ZNF536: variants seen among roughly 807,000 people sequenced by gnomAD.
ZNF536 encodes zinc finger protein 536.
In ZNF536, 13 loss-of-function variants were observed where a neutral mutation model predicts 84.5. That is an observed-to-expected ratio of 0.15 (90% CI 0.10 to 0.24). The LOEUF is 0.24. ZNF536 is among the 10% of genes least tolerant of loss of function. The pLI, the probability that ZNF536 is intolerant of heterozygous loss-of-function variation, is 1.00. For synonymous variants in ZNF536, 811 were observed against 742.5 expected (o/e 1.09, Z -1.50); for missense variants, 1,536 against 1,747.5 (o/e 0.88, Z 2.16).
At chr19:30,630,198 C>T (rs2048839221) in intron 1 of ZNF536, among the ~76,000 whole-genome samples, 1 of 152,208 alleles carries the variant, frequency 6.6e-6, no homozygotes, top group Non-Finnish European at 1.5e-5. Context: ...GGGCATTCTT[C>T]ATCCATTCAT....
chr19:30,645,878 A>G (rs999896755), intron 1 of ZNF536, among the ~76,000 whole-genome samples: 5 of 152,316 alleles, frequency 3.3e-5, no homozygotes, highest in African/African-American at 1.2e-4. Context: ...CCAAGAATGA[A>G]GAAACTATTC....
intron 1 of ZNF536, among the ~76,000 whole-genome samples, chr19:30,420,365 C>T (rs560785466): frequency 6.6e-6 from 1 of 152,132 alleles, no homozygotes; most frequent in Non-Finnish European, 1.5e-5. Context: ...TGTACAAATA[C>T]CTTTAACCCA....
chr19:30,697,915 T>C (rs553784395), intron 1 of ZNF536, among the ~76,000 whole-genome samples: 1 of 152,268 alleles, frequency 6.6e-6, no homozygotes, highest in East Asian at 1.9e-4. Flanking sequence ...TTTCTTCCTG[T>C]TCACAGAAAA....
At chr19:30,357,499 C>G (rs2048134631) in intron 3 of ZNF536, among the ~76,000 whole-genome samples, 1 of 151,940 alleles carries the variant, frequency 6.6e-6, no homozygotes, top group Admixed American at 6.6e-5. Context: ...CTTGAGAAAC[C>G]CTTTTCGGGT....
At chr19:30,458,804 C>G (rs770362422) in intron 2 of ZNF536, among the ~76,000 whole-genome samples, 22 of 152,112 alleles carry the variant, frequency 1.4e-4, no homozygotes, top group Non-Finnish European at 2.5e-4. Flanking sequence ...TCTGAGGGAC[C>G]CATGTGCCTG....
chr19:30,326,801 T>TGTTTG (rs1568333916), intron 2 of ZNF536, among the ~76,000 whole-genome samples: 2 of 127,292 alleles, frequency 1.6e-5, no homozygotes, highest in Admixed American at 8.0e-5. Context: ...CTTTTTTTTT[T>TGTTTG]TTTTTTTTTT....
At chr19:30,227,085 T>G (rs778076103), upstream of ZNF536, among the ~76,000 whole-genome samples, 2 of 151,930 alleles carry the variant, frequency 1.3e-5, no homozygotes, top group African/African-American at 2.4e-5. Context: ...TGCAAATAAT[T>G]TAAAATATAG....
chr19:30,376,862 T>C (rs1370731279), intron 1 of ZNF536, among the ~76,000 whole-genome samples: 1 of 152,060 alleles, frequency 6.6e-6, no homozygotes, highest in Non-Finnish European at 1.5e-5. Context: ...ACCCCCAGGC[T>C]AGGACCTTAC....
chr19:30,670,422 G>T (rs930736653), intron 1 of ZNF536, among the ~76,000 whole-genome samples: 2 of 152,226 alleles, frequency 1.3e-5, no homozygotes, highest in Non-Finnish European at 2.9e-5. Flanking sequence ...TGTGTAGGAC[G>T]ATCCTATAGA....
chr19:30,562,773 C>T (rs2046217824), downstream of ZNF536, among the ~76,000 whole-genome samples: 1 of 151,910 alleles, frequency 6.6e-6, no homozygotes, highest in African/African-American at 2.4e-5. Context: ...ATCTTGCACT[C>T]ACGGGGCACG....
chr19:30,481,028 CAA>C lies in ZNF536; in HGVS notation c.2170+35311_2170+35312del, dbSNP rs55924638. Among the ~76,000 whole-genome samples, 926 of 114,084 alleles carry C rather than the reference CAA, an allele frequency of 8.1e-3. 9 individuals carry two copies. The highest frequency in any genetic ancestry group is 0.022 in the South Asian group (78 of 3,554). The allele number at this position is 114,084 out of a possible 152,430, so 74.8% of individuals were successfully genotyped here. On this transcript the variant is annotated intron_variant, in intron 2 of 4. Coordinates refer to ENST00000355537, the MANE Select transcript of ZNF536 (RefSeq NM_014717.3). ...TGGGCAACAGAGTTAGACCCTGTCT[CAA>C]AAAAAAAAAAAAAAGGGTGGGTTGG...
chr19:30,620,867 C>G (rs1423484420), intron 1 of ZNF536, among the ~76,000 whole-genome samples: 1 of 150,486 alleles, frequency 6.6e-6, no homozygotes, highest in Non-Finnish European at 1.5e-5. Context: ...TACCCCAATT[C>G]TGGCAAAAAA....
chr19:30,563,006 C>G (rs1640765526), downstream of ZNF536, among the ~76,000 whole-genome samples: 1 of 152,182 alleles, frequency 6.6e-6, no homozygotes, highest in Non-Finnish European at 1.5e-5. Flanking sequence ...TCAAATGAGG[C>G]ACTCGTGTAT....
intron 2 of ZNF536, among the ~76,000 whole-genome samples, chr19:30,312,178 C>T (rs2046527564): frequency 1.3e-5 from 2 of 152,140 alleles, no homozygotes; most frequent in South Asian, 4.1e-4. Context: ...TGCCATTTTG[C>T]AGGTGGAGAG....
intron 1 of ZNF536, among the ~76,000 whole-genome samples, chr19:30,233,141 G>A (rs964011985): frequency 6.8e-6 from 1 of 147,026 alleles, no homozygotes. Flanking sequence ...TGGATGAATT[G>A]TATCTGAGCA....
chr19:30,261,118 G>A (rs1297528218), intron 1 of ZNF536, among the ~76,000 whole-genome samples: 2 of 151,552 alleles, frequency 1.3e-5, no homozygotes, highest in African/African-American at 4.8e-5. Flanking sequence ...CTAAAATGGT[G>A]AAACCCCGTC....
intron 2 of ZNF536, among the ~76,000 whole-genome samples, chr19:30,470,079 C>T (rs1017355260): frequency 6.6e-6 from 1 of 152,216 alleles, no homozygotes; most frequent in Non-Finnish European, 1.5e-5. Flanking sequence ...AGCCTCCTCC[C>T]AGGTGAGTCC....
At chr19:30,566,667 G>A (rs1053306515) in intron 1 of ZNF536, among the ~76,000 whole-genome samples, 4 of 146,958 alleles carry the variant, frequency 2.7e-5, no homozygotes, top group South Asian at 4.4e-4. Context: ...TGGCCTCTCC[G>A]GACAGTGGAA....
At chr19:30,470,572 C>A (rs776607131) in intron 2 of ZNF536, among the ~76,000 whole-genome samples, 1 of 151,742 alleles carries the variant, frequency 6.6e-6, no homozygotes, top group Non-Finnish European at 1.5e-5. Flanking sequence ...ATGCCTCCGA[C>A]CCCACACCTC....
Sources: gnomAD v4.1 joint callset for allele counts (sites outside exome capture counted in the v4.1 genomes callset) on GRCh38, gnomAD v4.1.1 for gene constraint, MANE v1.5 for transcripts, NCBI Gene and HGNC (gene_info 2026-07-23, HGNC 2026-07-21) for gene names.